SNX20: variants seen among roughly 807,000 people sequenced by gnomAD.
SNX20 encodes the protein sorting nexin 20.
Under a neutral mutation model 24.5 loss-of-function variants are expected in SNX20, and 21 were observed. The ratio of observed to expected loss-of-function variants is 0.86; its 90% CI spans 0.61 to 1.23. The LOEUF (loss-of-function observed/expected upper bound fraction) is 1.23. Ranked by LOEUF, SNX20 falls within the 50% of genes most tolerant of loss-of-function variation. The pLI, the probability that SNX20 is intolerant of heterozygous loss-of-function variation, is 0.00. For missense variants in SNX20, 433 were observed against 430.8 expected, an observed-to-expected ratio of 1.00 and a Z score of -0.04; for synonymous variants, 206 against 192.8, an observed-to-expected ratio of 1.07 and a Z score of -0.57.
chr16:50,675,732 A>C (rs755793221), intron 3 of SNX20, 38 bp downstream of exon 3: 2 of 1,607,850 alleles, frequency 1.2e-6, no homozygotes, highest in South Asian at 2.2e-5. Flanking sequence ...AAGGAAGCAG[A>C]GTGAAAGAGG....
At chr16:50,668,778 C>T (rs1962974110), downstream of SNX20, 1 of 1,210,748 alleles carries the variant, frequency 8.3e-7, no homozygotes. Flanking sequence ...CCTACCCCTA[C>T]CAGCAGGTGG....
At chr16:50,678,526 C>A (rs1963232710) in intron 1 of SNX20, among the ~76,000 whole-genome samples, 1 of 152,230 alleles carries the variant, frequency 6.6e-6, no homozygotes, top group Non-Finnish European at 1.5e-5. Context: ...TTGCACTAAC[C>A]TGAACACTGT....
chr16:50,678,343 T>C (rs760456876), intron 1 of SNX20, among the ~76,000 whole-genome samples: 1 of 152,248 alleles, frequency 6.6e-6, no homozygotes, highest in African/African-American at 2.4e-5. Flanking sequence ...AGGTTCTCCA[T>C]AGCCCCTAAT....
At chr16:50,671,040 CCATAT>C (rs1282008873), downstream of SNX20, 1 of 152,056 alleles carries the variant, frequency 6.6e-6, no homozygotes, top group Non-Finnish European at 1.5e-5. Context: ...TCCTTTACTC[CCATAT>C]AAGTATTTTC....
At chr16:50,677,258 G>T in intron 2 of SNX20, 139 bp downstream of exon 2, 2 of 1,126,464 alleles carry the variant, frequency 1.8e-6, no homozygotes, top group Non-Finnish European at 2.4e-6. Context: ...CTAGATCTGT[G>T]TCTCAGTGTC....
downstream of SNX20, chr16:50,668,377 A>G: frequency 4.9e-6 from 5 of 1,025,112 alleles, no homozygotes; most frequent in East Asian, 4.2e-5. Context: ...AAAGTCTACC[A>G]GCGGCCTCAG....
rs748706937 is a variant in SNX20, at chr16:50,677,399, A to C, written c.128T>G (p.Leu43Ter). ...CGAGTCTCAAGCCTCAAGCCCACCT[A>C]AGTGCCCGTCAGGTCCTGGGTGCGG... is the stretch of plus-strand genomic sequence containing the variant. ...DLPHPGPDGH[L>*]DTHSGLSSNS... The change falls in exon 2 of 4, where the codon TTA (leucine) becomes TGA (stop). Residue 43 changes from leucine to a stop codon, truncating the protein, a stop_gained and splice_region_variant. Transcript: ENST00000330943. LOFTEE classifies it high-confidence loss of function. The C allele has an allele frequency of 6.3e-7, 1 of 1,586,536 alleles. No homozygotes were observed. Among genetic ancestry groups the C allele is most frequent in the Non-Finnish European group, 8.6e-7 (1 of 1,165,544 alleles).
downstream of SNX20, chr16:50,671,583 A>G (rs1963051720): frequency 6.6e-6 from 1 of 152,216 alleles, no homozygotes. Flanking sequence ...TATTGTTGAT[A>G]GCATTTTAGA....
At chr16:50,668,206 C>CG, downstream of SNX20, 2 of 1,482,114 alleles carry the variant, frequency 1.3e-6, no homozygotes, top group Non-Finnish European at 1.8e-6. Context: ...CAGCAACGCA[C>CG]GGGCAACACG....
downstream of SNX20, chr16:50,668,300 G>A: frequency 7.3e-7 from 1 of 1,377,062 alleles, no homozygotes; most frequent in African/African-American, 1.5e-5. Context: ...TCAAAGAGAA[G>A]TCTCAGCTTG....
chr16:50,668,957 G>A (rs1962977480), downstream of SNX20: 1 of 1,532,758 alleles, frequency 6.5e-7, no homozygotes, highest in Non-Finnish European at 8.8e-7. Context: ...CCTCAGCACT[G>A]ACCCTGCACC....
chr16:50,668,589 G>C (rs540713016), downstream of SNX20: 2 of 1,015,978 alleles, frequency 2.0e-6, no homozygotes, highest in South Asian at 8.4e-5. Context: ...GTGATTGATA[G>C]AACAGGCTGT....
At chr16:50,668,436 A>G (rs1388698452), downstream of SNX20, 5 of 793,182 alleles carry the variant, frequency 6.3e-6, no homozygotes, top group Non-Finnish European at 8.1e-6. Context: ...AATAACAGTG[A>G]TCGGTTTCAT....
chr16:50,674,991 T>G (rs1397793255), intron 3 of SNX20, among the ~76,000 whole-genome samples: 1 of 152,204 alleles, frequency 6.6e-6, no homozygotes, highest in Admixed American at 6.5e-5. Flanking sequence ...GAGTCTCACT[T>G]TTCTCATTCA....
rs751734438 is a variant in SNX20 at position 50,673,938 on chromosome 16, A to C, written c.419T>G (p.Phe140Cys). 2.5e-6 allele frequency: 4 copies of C among 1,612,990 alleles called. No individual in the cohort carries two copies. The highest frequency in any genetic ancestry group is 3.4e-6 in the Non-Finnish European group (4 of 1,179,694). Residue 140 changes from phenylalanine to cysteine, a missense_variant, in exon 4 of 4, where the codon TTT becomes TGT. Phe to Cys is a radical substitution (Grantham distance 205, BLOSUM62 -2). Coordinates refer to ENST00000330943, the MANE Select transcript of SNX20 (RefSeq NM_182854.4). The surrounding 1 kb of genome is among the most constrained non-coding windows in gnomAD (Gnocchi z 4.1). ...GTTCCCAGTCAGGTGCTTCCTGGGA[A>C]ACTCCACGTCTTCGATCTCCTCCCT... ...TFREEIEDVE[F>C]PRKHLTGNFA... is the part of the protein sequence containing the mutation.
chr16:50,669,934 G>A (rs2150758486), downstream of SNX20: 1 of 152,368 alleles, frequency 6.6e-6, no homozygotes, highest in East Asian at 1.9e-4. Flanking sequence ...TGCAGAGCTT[G>A]TTTTCAATTG....
chr16:50,676,075 A>G (rs895658677), intron 2 of SNX20, among the ~76,000 whole-genome samples, 154 bp from the exon 3 acceptor site: 1 of 152,010 alleles, frequency 6.6e-6, no homozygotes, highest in Non-Finnish European at 1.5e-5. Flanking sequence ...TATAGGCCCA[A>G]TTGGGGCATC....
intron 3 of SNX20, 121 bp downstream of exon 3, chr16:50,675,649 G>A: frequency 6.3e-6 from 8 of 1,265,510 alleles, no homozygotes; most frequent in Non-Finnish European, 8.8e-6. Flanking sequence ...CCAGAAGAAA[G>A]CTGTGAGTTA....
At chr16:50,667,960 G>A, downstream of SNX20, 2 of 1,516,512 alleles carry the variant, frequency 1.3e-6, no homozygotes, top group Non-Finnish European at 1.8e-6. Context: ...AGGACATACT[G>A]CGGCTTCAGG....
Sources: gnomAD v4.1 joint callset for allele counts (sites outside exome capture counted in the v4.1 genomes callset) on GRCh38, gnomAD v4.1.1 for gene constraint, Gnocchi (gnomAD v3.1) non-coding constraint, MANE v1.5 for transcripts, NCBI Gene and HGNC (gene_info 2026-07-23, HGNC 2026-07-21) for gene names.